Variants in ZNF804B observed in about 807,000 individuals in gnomAD.
The protein encoded by ZNF804B is zinc finger protein 804B, also known as zinc finger 804B.
A neutral mutation model predicts 101.4 loss-of-function variants in ZNF804B; 80 were observed. That is an observed-to-expected ratio of 0.79 (90% CI 0.66 to 0.95). ZNF804B has a LOEUF of 0.95. ZNF804B is among the 40% of genes least tolerant of loss of function. The probability of loss-of-function intolerance (pLI) is 0.00; values close to 1 mark genes in which losing one functional copy is unlikely to be tolerated. For missense variants in ZNF804B, 1,673 were observed against 1,561.9 expected (o/e 1.07, Z -1.20); for synonymous variants, 622 against 558.8 (o/e 1.11, Z -1.59).
At chr7:88,817,805 C>T (rs1260377140) in intron 1 of ZNF804B, among the ~76,000 whole-genome samples, 1 of 152,008 alleles carries the variant, frequency 6.6e-6, no homozygotes, top group African/African-American at 2.4e-5. Context: ...TGCATTTATC[C>T]TGTATCTTAC....
intron 1 of ZNF804B, among the ~76,000 whole-genome samples, chr7:89,200,504 C>T (rs1788616701): frequency 6.6e-6 from 1 of 152,006 alleles, no homozygotes; most frequent in Non-Finnish European, 1.5e-5. Flanking sequence ...CCAAGGAGCA[C>T]TGATGATTTT....
At chr7:89,315,580 T>C (rs1029192546) in intron 2 of ZNF804B, among the ~76,000 whole-genome samples, 1 of 152,164 alleles carries the variant, frequency 6.6e-6, no homozygotes, top group African/African-American at 2.4e-5. Flanking sequence ...TATTGTTGAT[T>C]TTTATATTAT....
intron 1 of ZNF804B, among the ~76,000 whole-genome samples, chr7:88,940,245 A>G (rs1432135661): frequency 6.6e-6 from 1 of 152,080 alleles, no homozygotes; most frequent in Non-Finnish European, 1.5e-5. Context: ...TCAAATAAAA[A>G]AGTATAATGG....
chr7:88,835,785 A>T (rs114185494), intron 1 of ZNF804B, among the ~76,000 whole-genome samples: 1 of 151,896 alleles, frequency 6.6e-6, no homozygotes, highest in East Asian at 1.9e-4. Context: ...TGTTTCATGT[A>T]TATATAGTTA....
At position 88,873,740 on chromosome 7, in the gene ZNF804B, T is replaced by C. The variant is rs114620729; in HGVS notation, c.108+113656T>C. On this transcript the variant is annotated intron_variant, in intron 1 of 3. Transcript: ENST00000333190. ...ATTAAATATGGAATCCCTTTTGCAT[T>C]GCTTGTTTTTCTCAGGTTTGTCAAA... Among the ~76,000 whole-genome samples the C allele has an allele frequency of 8.5e-3, 1,301 of 152,324 alleles. 15 individuals are homozygous for C. The highest frequency in any genetic ancestry group is 0.024 in the Middle Eastern group (7 of 294).
At chr7:88,784,928 T>A (rs1790277510) in intron 1 of ZNF804B, among the ~76,000 whole-genome samples, 1 of 152,160 alleles carries the variant, frequency 6.6e-6, no homozygotes, top group South Asian at 2.1e-4. Context: ...TGGCTCTTTT[T>A]ATTTTCCGTA....
chr7:89,134,299 G>GA (rs1197764488), intron 1 of ZNF804B, among the ~76,000 whole-genome samples: 2 of 152,002 alleles, frequency 1.3e-5, no homozygotes, highest in East Asian at 1.9e-4. Flanking sequence ...AAATTTTTAA[G>GA]AAAAAAATTA....
intron 1 of ZNF804B, among the ~76,000 whole-genome samples, chr7:88,801,302 GGA>G: frequency 6.7e-6 from 1 of 149,668 alleles, no homozygotes; most frequent in African/African-American, 2.5e-5. Flanking sequence ...GGAGGAGAGG[GGA>G]AAAAAAAAAA....
chr7:89,045,450 A>G (rs904894029), intron 1 of ZNF804B, among the ~76,000 whole-genome samples: 1 of 152,126 alleles, frequency 6.6e-6, no homozygotes, highest in African/African-American at 2.4e-5. Context: ...AGCTTGCACC[A>G]TGTACCTGGA....
chr7:88,794,490 T>G (rs1790441595), intron 1 of ZNF804B: 1 of 1,613,858 alleles, frequency 6.2e-7, no homozygotes. Flanking sequence ...CTGGAACTTT[T>G]ATCACTGAAA....
At position 89,334,595 on chromosome 7, in the gene ZNF804B, CGAT is replaced by C. The variant is rs1562743819; in HGVS notation, c.1617_1619del (p.Met539del). The C allele has an allele frequency of 6.2e-7, 1 of 1,613,620 alleles. No individual in the cohort carries two copies. The highest frequency in any genetic ancestry group is 1.1e-5 in the South Asian group (1 of 91,064). On this transcript the variant is annotated inframe_deletion, in exon 4 of 4. Transcript: ENST00000333190. ...GATTATCAATATCCGAAACCAAAGA[CGAT>C]GATAGCTAATCCGGATTGGGAAAAA...
At chr7:89,025,057 A>C (rs1788728279) in intron 1 of ZNF804B, among the ~76,000 whole-genome samples, 1 of 152,050 alleles carries the variant, frequency 6.6e-6, no homozygotes, top group Admixed American at 6.6e-5. Flanking sequence ...CTCCTCTTCT[A>C]AAGTCTTTCC....
chr7:89,261,549 G>A (rs924210572), intron 2 of ZNF804B, among the ~76,000 whole-genome samples: 6 of 152,116 alleles, frequency 3.9e-5, no homozygotes, highest in Admixed American at 3.3e-4. Context: ...TTAAAGACAT[G>A]CATATGTTCT....
chr7:88,813,198 C>T (rs4728779), intron 1 of ZNF804B, among the ~76,000 whole-genome samples: 31,407 of 151,636 alleles, frequency 0.21, 3,530 homozygotes, highest in East Asian at 0.42. Context: ...GATGCTTAGG[C>T]GGTTGGATCA....
intron 2 of ZNF804B, among the ~76,000 whole-genome samples, chr7:89,281,994 G>A (rs1790103350): frequency 6.6e-6 from 1 of 151,928 alleles, no homozygotes; most frequent in Admixed American, 6.6e-5. Context: ...GAGGTCAGGA[G>A]ATCGAAACCA....
At chr7:89,327,319 T>A (rs759623114) in intron 2 of ZNF804B, 25 bp from the exon 3 acceptor site, 98 of 1,566,368 alleles carry the variant, frequency 6.3e-5, no homozygotes, top group Non-Finnish European at 7.6e-5. Flanking sequence ...TTATAGTACC[T>A]TTTTGGTTTT....
At chr7:88,959,172 GT>G (rs1793356389) in intron 1 of ZNF804B, among the ~76,000 whole-genome samples, 1 of 151,266 alleles carries the variant, frequency 6.6e-6, no homozygotes, top group Non-Finnish European at 1.5e-5. Context: ...TAAGATTCAT[GT>G]TTCTTTCTTG....
chr7:88,908,666 T>G (rs1044333473), intron 1 of ZNF804B, among the ~76,000 whole-genome samples: 1 of 151,770 alleles, frequency 6.6e-6, no homozygotes, highest in African/African-American at 2.4e-5. Context: ...CCACCCACAT[T>G]TGACTTTAGA....
At chr7:89,160,885 A>G (rs1418367570) in intron 1 of ZNF804B, among the ~76,000 whole-genome samples, 1 of 152,194 alleles carries the variant, frequency 6.6e-6, no homozygotes, top group African/African-American at 2.4e-5. Context: ...AAGAAATGGA[A>G]TTAACAAGCT....
Sources: gnomAD v4.1 joint callset for allele counts (sites outside exome capture counted in the v4.1 genomes callset) on GRCh38, gnomAD v4.1.1 for gene constraint, MANE v1.5 for transcripts, NCBI Gene and HGNC (gene_info 2026-07-23, HGNC 2026-07-21) for gene names.